The following PCSK5 variants were observed in gnomAD, a reference collection of about 807,000 sequenced individuals.
The protein encoded by PCSK5 is prohormone convertase 5.
Under a neutral mutation model 233.2 loss-of-function variants are expected in PCSK5, and 129 were observed. The ratio of observed to expected loss-of-function variants is 0.55; its 90% confidence interval spans 0.48 to 0.64. The LOEUF is 0.64. Ranked by LOEUF, PCSK5 falls within the 30% of genes least tolerant of loss-of-function variation. PCSK5 has a pLI of 0.00. For synonymous variants in PCSK5, 825 were observed against 879.2 expected (o/e 0.94, Z 1.09); for missense variants, 2,076 against 2,430.1 (o/e 0.85, Z 3.06).
At chr9:75,905,627 A>G (rs944839429) in intron 1 of PCSK5, among the ~76,000 whole-genome samples, 23 of 152,184 alleles carry the variant, frequency 1.5e-4, no homozygotes, top group African/African-American at 5.1e-4. Context: ...CCATGGACTG[A>G]TACGGTCCGT....
chr9:75,929,005 G>A (rs945950089), intron 1 of PCSK5, among the ~76,000 whole-genome samples: 3 of 151,842 alleles, frequency 2.0e-5, no homozygotes, highest in Non-Finnish European at 4.4e-5. Context: ...GCACGATCTC[G>A]GCCCACTGCA....
At chr9:76,028,442 G>A (rs1828520280) in intron 5 of PCSK5, among the ~76,000 whole-genome samples, 2 of 152,156 alleles carry the variant, frequency 1.3e-5, no homozygotes, top group African/African-American at 4.8e-5. Context: ...TAGCGACTTA[G>A]GAAGTGGGGA....
chr9:75,970,838 G>A (rs780799684), intron 2 of PCSK5, among the ~76,000 whole-genome samples: 6 of 151,992 alleles, frequency 3.9e-5, no homozygotes, highest in Non-Finnish European at 8.8e-5. Flanking sequence ...GCCCAGGCTG[G>A]TTCTTGAACT....
intron 3 of PCSK5, among the ~76,000 whole-genome samples, chr9:75,991,457 T>G (rs1319023330): frequency 6.6e-6 from 1 of 152,192 alleles, no homozygotes; most frequent in Non-Finnish European, 1.5e-5. Flanking sequence ...GCTTTTAAAC[T>G]TATGGGGCAT....
At chr9:75,983,889 G>A (rs1053381518) in intron 2 of PCSK5, among the ~76,000 whole-genome samples, 2 of 152,030 alleles carry the variant, frequency 1.3e-5, no homozygotes, top group Admixed American at 6.6e-5. Context: ...GAAACCTTCC[G>A]ATCCAAGAGG....
At chr9:76,026,876 A>G (rs1828447329) in intron 4 of PCSK5, 85 bp from the exon 5 acceptor site, 1 of 877,028 alleles carries the variant, frequency 1.1e-6, no homozygotes, top group Non-Finnish European at 1.8e-6. Flanking sequence ...GCAGAAATGT[A>G]TTTAAAAATG....
intron 35 of PCSK5, among the ~76,000 whole-genome samples, chr9:76,350,125 A>G (rs1304225036): frequency 6.8e-6 from 1 of 146,844 alleles, no homozygotes; most frequent in African/African-American, 2.5e-5. Flanking sequence ...AAAAAAAAAA[A>G]GAAAGAAAGA....
rs117842202 is a variant in PCSK5 at position 76,183,123 on chromosome 9, G to A, written c.2197+1532G>A. Among the ~76,000 whole-genome samples the A allele has an allele frequency of 1.9e-3, 285 of 152,266 alleles. 8 individuals carry two copies. The East Asian group carries it at 0.051, about 27-fold the overall frequency. On this transcript the variant is annotated intron_variant, in intron 16 of 37. Coordinates refer to ENST00000674117, the MANE Select transcript of PCSK5 (RefSeq NM_001372043.1). ...CACAGAAATATGCAGTATTCCTTGT[G>A]AGGAAAAAAGTCAAAATTCTATCAG...
intron 9 of PCSK5, among the ~76,000 whole-genome samples, chr9:76,110,842 C>T (rs1022768923): frequency 3.9e-5 from 6 of 152,154 alleles, no homozygotes; most frequent in African/African-American, 1.4e-4. Flanking sequence ...GGAACAGTGG[C>T]TCACGCCTAT....
chr9:76,189,261 C>T (rs1564093631), intron 19 of PCSK5, 38 bp downstream of exon 19: 1 of 1,583,128 alleles, frequency 6.3e-7, no homozygotes, highest in Admixed American at 1.8e-5. Context: ...GCATTTAGAC[C>T]TAAGTTCTTT....
rs149065621 is a variant in PCSK5 at position 76,162,015 on chromosome 9, G to C, written c.1619+2844G>C. ...CTCGTTTATCCTCCATCTCAGTCCT[G>C]AAAATAAGTAGCCACTGAAGGGAGG... On this transcript the variant is annotated intron_variant, in intron 12 of 37. Coordinates refer to ENST00000674117, the MANE Select transcript of PCSK5 (RefSeq NM_001372043.1). Among the ~76,000 whole-genome samples the C allele has an allele frequency of 7.0e-3, 1,064 of 152,260 alleles. 7 individuals are homozygous for C. Among genetic ancestry groups the C allele is most frequent in the African/African-American group, 0.021 (859 of 41,536 alleles).
At chr9:76,247,181 G>A (rs1826636852) in intron 24 of PCSK5, among the ~76,000 whole-genome samples, 1 of 152,234 alleles carries the variant, frequency 6.6e-6, no homozygotes, top group Admixed American at 6.5e-5. Context: ...TGGACACCCT[G>A]CCTGATCTGG....
At chr9:76,064,577 G>A (rs1230481750) in intron 5 of PCSK5, among the ~76,000 whole-genome samples, 1 of 150,234 alleles carries the variant, frequency 6.7e-6, no homozygotes, top group Non-Finnish European at 1.5e-5. Flanking sequence ...TCCCAGATGG[G>A]GTGGCTGCCG....
intron 24 of PCSK5, among the ~76,000 whole-genome samples, chr9:76,289,524 A>G (rs1381738109): frequency 1.2e-4 from 11 of 90,334 alleles, no homozygotes; most frequent in African/African-American, 4.2e-4. Context: ...ACATACACAC[A>G]CACACACACA....
chr9:76,349,418 T>A (rs933210834), intron 35 of PCSK5, among the ~76,000 whole-genome samples: 2 of 152,122 alleles, frequency 1.3e-5, no homozygotes, highest in African/African-American at 2.4e-5. Flanking sequence ...AAGCTAGAGC[T>A]AAGATAAAAA....
At chr9:76,092,829 C>G (rs1831350495) in intron 7 of PCSK5, among the ~76,000 whole-genome samples, 1 of 152,164 alleles carries the variant, frequency 6.6e-6, no homozygotes, top group Non-Finnish European at 1.5e-5. Flanking sequence ...GGTAAAACCC[C>G]TTTTGGCCAT....
At chr9:76,204,647 C>T (rs144609941) in intron 20 of PCSK5, among the ~76,000 whole-genome samples, 1 of 152,228 alleles carries the variant, frequency 6.6e-6, no homozygotes, top group Non-Finnish European at 1.5e-5. Context: ...GTCTGAGTCC[C>T]ACTCCAGACT....
rs1326326089 is a variant in PCSK5, at chr9:76,206,673, GT to G, written c.2626+16930del. Among the ~76,000 whole-genome samples, 6 of 152,324 alleles carry G rather than the reference GT, an allele frequency of 3.9e-5. No individual in the cohort carries two copies. The East Asian group carries it at 1.2e-3, about 29-fold the overall frequency. On this transcript the variant is annotated intron_variant, in intron 20 of 37. Transcript: ENST00000674117. Reference sequence around the variant, plus strand: ...TGCCTGATGCTTCTGGAAGAATGGTGTTTCACATAGCTTTTTGCCCTGAGAC... The same window carrying G: ...TGCCTGATGCTTCTGGAAGAATGGTGTTCACATAGCTTTTTGCCCTGAGAC...
intron 2 of PCSK5, among the ~76,000 whole-genome samples, chr9:75,937,996 A>G (rs1824135707): frequency 1.3e-5 from 2 of 152,126 alleles, no homozygotes; most frequent in African/African-American, 4.8e-5. Flanking sequence ...CTTTCTCCCT[A>G]TCAGCAATAA....
Sources: allele counts gnomAD v4.1 joint callset (sites outside exome capture counted in the v4.1 genomes callset), GRCh38; gene constraint gnomAD v4.1.1; transcripts MANE v1.5; gene names NCBI Gene and HGNC (gene_info 2026-07-23, HGNC 2026-07-21).